TMEM184C: variants seen among roughly 807,000 people sequenced by gnomAD.
The protein encoded by TMEM184C is transmembrane protein 184C, also known as transmembrane protein 34.
TMEM184C carries 25 observed loss-of-function variants against 54.5 expected under a neutral mutation model. That is an observed-to-expected ratio of 0.46 (90% CI 0.33 to 0.64). The LOEUF is 0.64. Ranked by LOEUF, TMEM184C falls within the 30% of genes least tolerant of loss-of-function variation. The probability of loss-of-function intolerance (pLI) is 0.02; values close to 1 mark genes in which losing one functional copy is unlikely to be tolerated. For synonymous variants in TMEM184C, 148 were observed against 181.5 expected, an observed-to-expected ratio of 0.82 and a Z score of 1.49; for missense variants, 335 against 520.3, an observed-to-expected ratio of 0.64 and a Z score of 3.46.
intron 5 of TMEM184C, among the ~76,000 whole-genome samples, chr4:147,628,789 G>A (rs1402709956): frequency 6.6e-6 from 1 of 152,046 alleles, no homozygotes; most frequent in East Asian, 1.9e-4. Flanking sequence ...TTTCTACATA[G>A]TTAATTTAGA....
In TMEM184C at chr4:147,634,179, CAG is replaced by C; in HGVS notation, c.1063_1064del (p.Arg355GlyfsTer16). The C allele has an allele frequency of 6.2e-7, 1 of 1,613,482 alleles. No individual in the cohort carries two copies. The highest frequency in any genetic ancestry group is 8.5e-7 in the Non-Finnish European group (1 of 1,179,780). ...EQVRHVGRTV[R>X]GHPRKKLFPE... ...AACTTTATATTAAAGGACGGACAGT[CAG>C]GGGACATCCCAGGAAAAAATTGTTT... On this transcript the variant is annotated frameshift_variant, in exon 10 of 10. Coordinates refer to ENST00000296582, the MANE Select transcript of TMEM184C (RefSeq NM_018241.3). LOFTEE classifies it high-confidence loss of function.
intron 2 of TMEM184C, 32 bp from the exon 3 acceptor site, chr4:147,624,030 T>C (rs1476462725): frequency 1.9e-6 from 3 of 1,611,520 alleles, no homozygotes; most frequent in Non-Finnish European, 2.5e-6. Flanking sequence ...TGACATAAAA[T>C]GTTTTAAATT....
rs952661018 is a variant in TMEM184C, at chr4:147,635,738, A to AAGAT, written c.*1306_*1309dup. On this transcript the variant is annotated 3_prime_UTR_variant, in exon 10 of 10. Coordinates refer to ENST00000296582, the MANE Select transcript of TMEM184C (RefSeq NM_018241.3). ...AACTGGGCTCTATGTAAAAACCCCA[A>AAGAT]AGATACACACACAAAAAAAATCTGT... The AAGAT allele has an allele frequency of 2.6e-5, 4 of 152,176 alleles. No homozygotes were observed. Among genetic ancestry groups the AAGAT allele is most frequent in the East Asian group, 1.9e-4 (1 of 5,208 alleles). The allele number at this position is 152,176 out of a possible 1,614,324, so 9.4% of individuals were successfully genotyped here.
chr4:147,622,792 C>A (rs1042545071), intron 1 of TMEM184C, among the ~76,000 whole-genome samples: 1 of 152,152 alleles, frequency 6.6e-6, no homozygotes, highest in African/African-American at 2.4e-5. Flanking sequence ...GACAGGGTCT[C>A]ACTCTGTTGC....
Position 147,628,359 on chromosome 4 carries a change from A to G in TMEM184C, c.498-2A>G. The G allele has an allele frequency of 6.2e-7, 1 of 1,604,572 alleles. No homozygotes were observed. The highest frequency in any genetic ancestry group is 8.5e-7 in the Non-Finnish European group (1 of 1,177,484). On this transcript the variant is annotated splice_acceptor_variant, in intron 4 of 9. Transcript: ENST00000296582. LOFTEE classifies it high-confidence loss of function. ...AAATTCTAAGTTCTTTTTCTTTTGC[A>G]GAGTATTGCTGTTTAGGTGCAAACT... is the stretch of plus-strand genomic sequence containing the variant.
At position 147,633,932 on chromosome 4, in the gene TMEM184C, T is replaced by C. The variant is rs779693151; in HGVS notation, c.1047T>C (p.His349=). 2 of 1,611,744 alleles carry C rather than the reference T, an allele frequency of 1.2e-6. No homozygotes were observed. The highest frequency in any genetic ancestry group is 2.7e-5 in the African/African-American group (2 of 74,966). The change falls in exon 9 of 10, where the codon CAT becomes CAC. Residue 349 remains histidine, a synonymous_variant. Coordinates refer to ENST00000296582, the MANE Select transcript of TMEM184C (RefSeq NM_018241.3). Reference sequence around the variant, plus strand: ...ATGATATTTCTGAACAAGTAAGGCATGTTGGTAAGTACCAGCTATTTAATT... The same window carrying C: ...ATGATATTTCTGAACAAGTAAGGCACGTTGGTAAGTACCAGCTATTTAATT... The part of the protein sequence containing the change: ...IRDDISEQVR[H]VGRTVRGHPR...
chr4:147,631,551 T>A, intron 7 of TMEM184C, 46 bp downstream of exon 7: 1 of 1,397,430 alleles, frequency 7.2e-7, no homozygotes, highest in Non-Finnish European at 1.0e-6. Context: ...TTAAGGGCAG[T>A]AAAAACCGTT....
At chr4:147,619,596 G>A (rs1419740422) in intron 1 of TMEM184C, among the ~76,000 whole-genome samples, 2 of 152,108 alleles carry the variant, frequency 1.3e-5, no homozygotes, top group African/African-American at 4.8e-5. Flanking sequence ...CAAAAACTTA[G>A]GTATAAGCAT....
intron 5 of TMEM184C, 94 bp from the exon 6 acceptor site, chr4:147,629,505 A>G: frequency 1.1e-6 from 1 of 925,712 alleles, no homozygotes. Context: ...TGAGATCTCA[A>G]ATAAACTGAC....
chr4:147,629,840 GA>G (rs1171747748), intron 6 of TMEM184C, 148 bp downstream of exon 6: 22 of 425,848 alleles, frequency 5.2e-5, no homozygotes, highest in Admixed American at 1.4e-4. Flanking sequence ...AGAAAGACTT[GA>G]AAAAAATTTA....
Position 147,617,727 on chromosome 4 carries a change from T to C in TMEM184C, c.-230T>C, listed in dbSNP as rs1239546311. ...TAGATGCGGGGTGGAGAAGAAAGGA[T>C]GTTGCCTGCACTGCTCGCCAATAGC... On this transcript the variant is annotated 5_prime_UTR_variant, in exon 1 of 10. The change abolishes an upstream ATG in the 5' untranslated region. Transcript: ENST00000296582. The C allele has an allele frequency of 8.1e-6, 4 of 492,582 alleles. No individual in the cohort carries two copies. In the East Asian group the frequency reaches 1.5e-4, roughly 19 times the overall value. The allele number at this position is 492,582 out of a possible 1,614,324, so 30.5% of individuals were successfully genotyped here. A position where few individuals can be genotyped will look rare whatever the true frequency, so the allele number is the denominator to read the frequency against.
chr4:147,634,059 C>A, intron 9 of TMEM184C, 110 bp from the exon 10 acceptor site: 1 of 1,511,766 alleles, frequency 6.6e-7, no homozygotes, highest in South Asian at 1.3e-5. Flanking sequence ...ACAGTGCAGG[C>A]TCATCAACTT....
intron 1 of TMEM184C, among the ~76,000 whole-genome samples, chr4:147,620,954 G>A (rs561271111): frequency 9.9e-5 from 15 of 152,236 alleles, no homozygotes; most frequent in South Asian, 2.1e-4. Context: ...CCAGGCTGCC[G>A]TGAGAAAATA....
chr4:147,627,167 A>C (rs1380586241), intron 4 of TMEM184C, among the ~76,000 whole-genome samples: 1 of 152,210 alleles, frequency 6.6e-6, no homozygotes, highest in Non-Finnish European at 1.5e-5. Flanking sequence ...CCCAAGGATG[A>C]AGCCAAGTTG....
At chr4:147,621,557 TGTTGA>T (rs1428508704) in intron 1 of TMEM184C, among the ~76,000 whole-genome samples, 1 of 152,234 alleles carries the variant, frequency 6.6e-6, no homozygotes, top group African/African-American at 2.4e-5. Context: ...AGATAGCTAG[TGTTGA>T]GTTATTCTAT....
intron 8 of TMEM184C, 96 bp downstream of exon 8, chr4:147,633,098 C>A: frequency 2.0e-6 from 2 of 980,130 alleles, no homozygotes; most frequent in Non-Finnish European, 3.1e-6. Context: ...GGGTATGGGG[C>A]TATTATCCTC....
intron 5 of TMEM184C, among the ~76,000 whole-genome samples, chr4:147,628,955 CAT>C (rs1046403383): frequency 2.6e-5 from 4 of 152,152 alleles, no homozygotes; most frequent in African/African-American, 4.8e-5. Context: ...CAATAGATTA[CAT>C]GTTTTATCTC....
chr4:147,633,004 T>C lies in TMEM184C; in HGVS notation c.879+2T>C. On this transcript the variant is annotated splice_donor_variant, in intron 8 of 9. Coordinates refer to ENST00000296582, the MANE Select transcript of TMEM184C (RefSeq NM_018241.3). LOFTEE classifies it high-confidence loss of function. Reference sequence around the variant, plus strand: ...GAAGCTGTGGCCACCGGACTCCAGGTAAGTAGTGCCATCTCTGAATTCAAT... The same window carrying C: ...GAAGCTGTGGCCACCGGACTCCAGGCAAGTAGTGCCATCTCTGAATTCAAT... The C allele has an allele frequency of 6.2e-7, 1 of 1,611,992 alleles. No homozygotes were observed. The highest frequency in any genetic ancestry group is 8.5e-7 in the Non-Finnish European group (1 of 1,178,458).
chr4:147,630,693 G>A (rs1007989060), intron 6 of TMEM184C, among the ~76,000 whole-genome samples: 1 of 152,024 alleles, frequency 6.6e-6, no homozygotes, highest in Non-Finnish European at 1.5e-5. Flanking sequence ...ACTGGCTTAT[G>A]TGTAAAAAGG....
Sources: allele counts gnomAD v4.1 joint callset (sites outside exome capture counted in the v4.1 genomes callset), GRCh38; gene constraint gnomAD v4.1.1; transcripts MANE v1.5; gene names NCBI Gene and HGNC (gene_info 2026-07-23, HGNC 2026-07-21).